MRPS6: variants seen among roughly 807,000 people sequenced by gnomAD.
MRPS6 encodes small ribosomal subunit protein bS6m.
In MRPS6, 6 loss-of-function variants were observed where a neutral mutation model predicts 13.1. The observed-to-expected ratio is 0.46, with a 90% confidence interval of 0.25 to 0.91. The LOEUF is 0.91. MRPS6 is among the 40% of genes least tolerant of loss of function. The pLI is 0.18. For missense variants in MRPS6, 164 were observed against 155.6 expected (o/e 1.05, Z -0.29); for synonymous variants, 61 against 56.5 (o/e 1.08, Z -0.36).
intron 1 of MRPS6, among the ~76,000 whole-genome samples, chr21:34,081,180 A>G (rs887728805): frequency 6.6e-6 from 1 of 152,122 alleles, no homozygotes; most frequent in African/African-American, 2.4e-5. Context: ...AGGATCTTTT[A>G]AACTTTCCAC....
At chr21:34,110,986 C>T (rs1326852959) in intron 1 of MRPS6, among the ~76,000 whole-genome samples, 1 of 152,090 alleles carries the variant, frequency 6.6e-6, no homozygotes, top group Admixed American at 6.6e-5. Context: ...GAAATGACCC[C>T]CAGAAAGCAC....
At position 34,136,773 on chromosome 21, in the gene MRPS6, A is replaced by C. The variant is rs544624785; in HGVS notation, c.186-5635A>C. Reference sequence around the variant, plus strand: ...GCAGTTTTTAATTTTGATGAAATCTAATTTATCAATTTTTTCTATTATGGA... The same window carrying C: ...GCAGTTTTTAATTTTGATGAAATCTCATTTATCAATTTTTTCTATTATGGA... On this transcript the variant is annotated intron_variant, in intron 2 of 2. Coordinates refer to ENST00000399312, the MANE Select transcript of MRPS6 (RefSeq NM_032476.4). Among the ~76,000 whole-genome samples, 6 of 152,304 alleles carry C rather than the reference A, an allele frequency of 3.9e-5. 1 individual carries two copies. The South Asian group carries it at 1.2e-3, about 32-fold the overall frequency.
At chr21:34,133,608 A>T (rs558581631) in intron 2 of MRPS6, among the ~76,000 whole-genome samples, 1 of 152,032 alleles carries the variant, frequency 6.6e-6, no homozygotes, top group Non-Finnish European at 1.5e-5. Flanking sequence ...CTTCCTGTGG[A>T]CTCTCTGGAG....
intron 1 of MRPS6, among the ~76,000 whole-genome samples, chr21:34,086,684 C>T (rs1978401778): frequency 6.6e-6 from 1 of 152,102 alleles, no homozygotes; most frequent in Admixed American, 6.6e-5. Flanking sequence ...ATCATGTCTG[C>T]CTCTTGGGGT....
At chr21:34,081,763 T>G (rs1989463790) in intron 1 of MRPS6, among the ~76,000 whole-genome samples, 1 of 152,204 alleles carries the variant, frequency 6.6e-6, no homozygotes, top group African/African-American at 2.4e-5. Flanking sequence ...CTTTGTGGTC[T>G]TAGGCAAGTC....
intron 1 of MRPS6, among the ~76,000 whole-genome samples, chr21:34,074,818 C>CA (rs1438516222): frequency 6.6e-6 from 1 of 152,220 alleles, no homozygotes; most frequent in Non-Finnish European, 1.5e-5. Context: ...GGAGTATTAC[C>CA]AAGTTTGGTT....
intron 1 of MRPS6, among the ~76,000 whole-genome samples, chr21:34,086,517 TTGTGTGTGTG>T (rs34988334): frequency 5.4e-5 from 8 of 148,274 alleles, no homozygotes; most frequent in Admixed American, 1.3e-4. Flanking sequence ...TAGTTTGTGT[TTGTGTGTGTG>T]TGTGTGTGTG....
At chr21:34,124,392 C>T (rs1417490605) in intron 1 of MRPS6, 1 of 151,938 alleles carries the variant, frequency 6.6e-6, no homozygotes, top group East Asian at 1.9e-4. Flanking sequence ...CCAAAAATTG[C>T]TTGTGTATAC....
rs549847334 is a variant in MRPS6 at position 34,073,744 on chromosome 21, G to T, written c.44G>T (p.Arg15Leu). ...GCTTTAATCCTGAAAGCCATGCAGC[G>T]GGTAAGTGACCTTCCCTCAGAGCCG... is the stretch of plus-strand genomic sequence containing the variant. ...ELALILKAMQ[R>L]PETAATLKRT... Residue 15 changes from arginine to leucine, a missense_variant and splice_region_variant, in exon 1 of 3, where the codon CGG becomes CTG. Arg to Leu is a moderately radical substitution (Grantham distance 102). Transcript: ENST00000399312. 952 of 1,525,636 alleles carry T rather than the reference G, an allele frequency of 6.2e-4. 13 individuals carry two copies. The South Asian group carries it at 0.01, about 16-fold the overall frequency. 94.5% of individuals were successfully genotyped at this position (1,525,636 alleles called of 1,614,324 possible).
At chr21:34,087,788 G>A (rs984590141) in intron 1 of MRPS6, among the ~76,000 whole-genome samples, 1 of 152,256 alleles carries the variant, frequency 6.6e-6, no homozygotes, top group Non-Finnish European at 1.5e-5. Flanking sequence ...GGAGACAAGA[G>A]GCTGGGACAG....
chr21:34,128,357 AGCCCCCTCC>A (rs1354199030), intron 2 of MRPS6, among the ~76,000 whole-genome samples: 6 of 152,210 alleles, frequency 3.9e-5, no homozygotes, highest in South Asian at 2.1e-4. Flanking sequence ...TCCCATGCCC[AGCCCCCTCC>A]GCCCCCCAAA....
chr21:34,129,389 A>G (rs1007125525), intron 2 of MRPS6, among the ~76,000 whole-genome samples: 2 of 152,102 alleles, frequency 1.3e-5, no homozygotes, highest in African/African-American at 4.8e-5. Context: ...CTCTGTTTCT[A>G]CCGGGTCTGA....
intron 1 of MRPS6, among the ~76,000 whole-genome samples, chr21:34,079,668 G>C (rs571713023): frequency 2.3e-5 from 3 of 131,784 alleles, no homozygotes; most frequent in Non-Finnish European, 3.1e-5. Flanking sequence ...TGGCCAGGAT[G>C]GTCTCAATCT....
intron 1 of MRPS6, chr21:34,103,514 G>C: frequency 1.0e-6 from 1 of 999,716 alleles, no homozygotes. Flanking sequence ...GGTATATCGA[G>C]AACAGGTACG....
rs1979407146 is a variant in MRPS6 at position 34,104,879 on chromosome 21, C to G, written c.46-20462C>G. On this transcript the variant is annotated intron_variant, in intron 1 of 2. Transcript: ENST00000399312. The stretch of plus-strand genomic sequence containing the variant: ...GTAAGAACTGTACAAAAAAATGCTT[C>G]TGGAGATTTCTTTGGCAGAAATGCC... 3.0e-6 allele frequency: 3 copies of G among 1,000,190 alleles called. No individual in the cohort carries two copies. The South Asian group carries it at 1.4e-4, about 47-fold the overall frequency. 62.0% of individuals were successfully genotyped at this position (1,000,190 alleles called of 1,614,324 possible). A position where few individuals can be genotyped will look rare whatever the true frequency, so the allele number is the denominator to read the frequency against.
intron 1 of MRPS6, among the ~76,000 whole-genome samples, chr21:34,111,300 A>G (rs1234639105): frequency 3.3e-5 from 5 of 152,192 alleles, no homozygotes; most frequent in Non-Finnish European, 5.9e-5. Context: ...ACCACCACCC[A>G]TAAGAAATAG....
intron 1 of MRPS6, chr21:34,101,009 T>C (rs986473287): frequency 2.0e-6 from 2 of 1,000,190 alleles, no homozygotes; most frequent in Middle Eastern, 5.2e-4. Context: ...AGGGATCACA[T>C]GGGTCGTTGG....
chr21:34,088,429 T>G (rs548060973), intron 1 of MRPS6, among the ~76,000 whole-genome samples: 1 of 152,328 alleles, frequency 6.6e-6, no homozygotes, highest in Non-Finnish European at 1.5e-5. Flanking sequence ...TCTCTGCATT[T>G]TATCCATACA....
intron 2 of MRPS6, chr21:34,135,346 GTTTTTT>G (rs747809642): frequency 4.8e-5 from 7 of 147,110 alleles, no homozygotes; most frequent in Admixed American, 1.6e-4. Flanking sequence ...ATGAGAGCCG[GTTTTTT>G]TTTTTTTTTT....
Sources: allele counts gnomAD v4.1 joint callset (sites outside exome capture counted in the v4.1 genomes callset), GRCh38; gene constraint gnomAD v4.1.1; transcripts MANE v1.5; gene names NCBI Gene and HGNC (gene_info 2026-07-23, HGNC 2026-07-21).